Variants in SFMBT1 observed in about 807,000 individuals in gnomAD.
SFMBT1 encodes Scm like with four mbt domains 1, also known as scm-like with four MBT domains protein 1.
SFMBT1 carries 32 observed loss-of-function variants against 108.7 expected under a neutral mutation model. The ratio of observed to expected loss-of-function variants is 0.29; its 90% CI spans 0.22 to 0.40. SFMBT1 has a LOEUF of 0.40. SFMBT1 is among the 10% of genes least tolerant of loss of function. SFMBT1 has a pLI of 1.00. For missense variants in SFMBT1, 816 were observed against 1,059.6 expected, an observed-to-expected ratio of 0.77 and a Z score of 3.19; for synonymous variants, 348 against 369.5, an observed-to-expected ratio of 0.94 and a Z score of 0.67.
intron 1 of SFMBT1, among the ~76,000 whole-genome samples, chr3:52,988,770 C>G (rs756651026): frequency 6.6e-6 from 1 of 152,072 alleles, no homozygotes; most frequent in Non-Finnish European, 1.5e-5. Context: ...AAAAACCAGC[C>G]TAGGTTATGA....
At chr3:52,991,642 C>A (rs1476759997) in intron 1 of SFMBT1, among the ~76,000 whole-genome samples, 1 of 152,172 alleles carries the variant, frequency 6.6e-6, no homozygotes, top group African/African-American at 2.4e-5. Flanking sequence ...CCTCGCCCAG[C>A]CTGCACGTTG....
Position 52,910,175 on chromosome 3 carries a change from T to C in SFMBT1, c.1906+828A>G, listed in dbSNP as rs900397412. ...TTCACTGTTCCCCACAGTATTTCTC[T>C]AAATACTGACCCCTCTCTAAATTTC... On this transcript the variant is annotated intron_variant, in intron 17 of 20. Transcript: ENST00000394752. Among the ~76,000 whole-genome samples the C allele has an allele frequency of 2.6e-5, 4 of 152,288 alleles. No homozygotes were observed. In the South Asian group the frequency reaches 8.3e-4, roughly 32 times the overall value.
chr3:52,991,519 A>G (rs1314176246), intron 1 of SFMBT1, among the ~76,000 whole-genome samples: 2 of 151,486 alleles, frequency 1.3e-5, no homozygotes, highest in Non-Finnish European at 2.9e-5. Flanking sequence ...TAATTTTTGT[A>G]TCTTTAGTAG....
chr3:52,963,251 T>C (rs1002064354), intron 2 of SFMBT1, among the ~76,000 whole-genome samples: 1 of 152,046 alleles, frequency 6.6e-6, no homozygotes, highest in Admixed American at 6.5e-5. Context: ...CGCCTCGCCC[T>C]TCCAAAGTGC....
At chr3:52,994,586 G>T (rs548328375) in intron 1 of SFMBT1, among the ~76,000 whole-genome samples, 2 of 150,512 alleles carry the variant, frequency 1.3e-5, no homozygotes, top group East Asian at 3.9e-4. Context: ...CACAATCTCC[G>T]CCTCCTGGAT....
At chr3:52,906,033 T>A (rs553073055) in intron 20 of SFMBT1, 80 bp downstream of exon 20, 2 of 1,492,900 alleles carry the variant, frequency 1.3e-6, no homozygotes, top group East Asian at 4.6e-5. Context: ...TCCTAAAACT[T>A]GTAAATAAAT....
At chr3:52,958,795 T>C (rs1278009417) in intron 2 of SFMBT1, among the ~76,000 whole-genome samples, 2 of 152,066 alleles carry the variant, frequency 1.3e-5, no homozygotes, top group South Asian at 2.1e-4. Context: ...CAAAGGAATA[T>C]AAATCATTCT....
At chr3:52,999,709 G>A (rs941679648) in intron 1 of SFMBT1, among the ~76,000 whole-genome samples, 1 of 149,816 alleles carries the variant, frequency 6.7e-6, no homozygotes, top group Non-Finnish European at 1.5e-5. Context: ...AGCAGGGTGA[G>A]CCCCCACTCA....
chr3:53,023,942 C>T (rs1295674677), intron 1 of SFMBT1, among the ~76,000 whole-genome samples: 1 of 152,156 alleles, frequency 6.6e-6, no homozygotes, highest in African/African-American at 2.4e-5. Flanking sequence ...TCCATTCATT[C>T]AACAAATTCT....
Position 53,004,059 on chromosome 3 carries a change from T to C in SFMBT1, c.-130-34801A>G, listed in dbSNP as rs566090652. Reference sequence around the variant, plus strand: ...TTTTAAAGTTATAGATATGAGGTTTTAACTCAAAAAGAAGGAATTTCATCA... The same window carrying C: ...TTTTAAAGTTATAGATATGAGGTTTCAACTCAAAAAGAAGGAATTTCATCA... On this transcript the variant is annotated intron_variant, in intron 1 of 20. Coordinates refer to ENST00000394752, the MANE Select transcript of SFMBT1 (RefSeq NM_016329.4). 4.0e-5 allele frequency among the ~76,000 whole-genome samples: 6 copies of C among 150,184 alleles called. No individual in the cohort carries two copies. In the South Asian group the frequency reaches 1.3e-3, roughly 32 times the overall value.
intron 1 of SFMBT1, among the ~76,000 whole-genome samples, chr3:53,009,053 A>G (rs1698853610): frequency 6.6e-6 from 1 of 151,494 alleles, no homozygotes; most frequent in African/African-American, 2.4e-5. Context: ...AGGTGGGAGG[A>G]TCACTTGAGC....
In SFMBT1 at chr3:52,911,167, T is replaced by G. The variant is rs760560804; in HGVS notation, c.1742A>C (p.Lys581Thr). ...GEVLKAKYKGKSYRATVEIVK... is the reference protein window; with the variant it reads ...GEVLKAKYKGTSYRATVEIVK... ...TATCTCAACAGTAGCCCGATAACTC[T>G]TTCCTTTATATCTGCCATTGGAAGA... Residue 581 changes from lysine (K) to threonine (T), a missense_variant, in exon 17 of 21, where the codon AAG (lysine) becomes ACG (threonine). Physicochemically the swap from Lys to Thr is moderately conservative, Grantham distance 78. Coordinates refer to ENST00000394752, the MANE Select transcript of SFMBT1 (RefSeq NM_016329.4). The G allele has an allele frequency of 6.2e-7, 1 of 1,607,322 alleles. No individual in the cohort carries two copies. The highest frequency in any genetic ancestry group is 8.5e-7 in the Non-Finnish European group (1 of 1,176,942).
intron 1 of SFMBT1, 77 bp from the exon 2 acceptor site, chr3:52,969,335 C>T: frequency 7.2e-7 from 1 of 1,383,578 alleles, no homozygotes; most frequent in Non-Finnish European, 9.4e-7. Flanking sequence ...GGGCACTCGA[C>T]TGGTTGAGAG....
At chr3:52,940,694 A>G (rs1030814634) in intron 4 of SFMBT1, among the ~76,000 whole-genome samples, 2 of 152,234 alleles carry the variant, frequency 1.3e-5, no homozygotes, top group African/African-American at 4.8e-5. Flanking sequence ...ATGGATACTA[A>G]GAATAGTGGG....
chr3:52,918,473 A>G lies in SFMBT1; in HGVS notation c.1415+11T>C. 1 of 1,561,804 alleles carries G rather than the reference A, an allele frequency of 6.4e-7. No individual in the cohort carries two copies. ...TAACTTGTAAACTGTTCATATTATT[A>G]CGTTACTTACTGTTTTTCTGGCTGA... On this transcript the variant is annotated intron_variant, in intron 13 of 20. Transcript: ENST00000394752.
At chr3:52,936,689 A>G (rs1358152517) in intron 4 of SFMBT1, among the ~76,000 whole-genome samples, 1 of 152,130 alleles carries the variant, frequency 6.6e-6, no homozygotes, top group African/African-American at 2.4e-5. Flanking sequence ...TGGAAATGGT[A>G]TTTAGAGACC....
At chr3:52,947,695 TA>T (rs1703419147) in intron 3 of SFMBT1, among the ~76,000 whole-genome samples, 1 of 152,056 alleles carries the variant, frequency 6.6e-6, no homozygotes, top group African/African-American at 2.4e-5. Context: ...AATTTATCAA[TA>T]TTTTTCCTTT....
chr3:53,008,925 G>A (rs1403351740), intron 1 of SFMBT1, among the ~76,000 whole-genome samples: 3 of 150,142 alleles, frequency 2.0e-5, no homozygotes, highest in Admixed American at 6.7e-5. Flanking sequence ...GTGAGCCACC[G>A]TGCCCGGCCG....
At position 52,966,624 on chromosome 3, in the gene SFMBT1, C is replaced by CAAA. The variant is rs35044878; in HGVS notation, c.28+2474_28+2476dup. Among the ~76,000 whole-genome samples the CAAA allele has an allele frequency of 2.0e-3, 97 of 48,130 alleles. 2 individuals carry two copies. The highest frequency in any genetic ancestry group is 2.2e-3 in the Non-Finnish European group (59 of 26,896). 31.6% of individuals were successfully genotyped at this position (48,130 alleles called of 152,430 possible). ...TGGGTGACAGAGCGAGACTCAGTCT[C>CAAA]AAAAAAAAAAAAAAAAAAAAAAAGA... On this transcript the variant is annotated intron_variant, in intron 2 of 20. Transcript: ENST00000394752.
Sources: gnomAD v4.1 joint callset for allele counts (sites outside exome capture counted in the v4.1 genomes callset) on GRCh38, gnomAD v4.1.1 for gene constraint, MANE v1.5 for transcripts, NCBI Gene and HGNC (gene_info 2026-07-23, HGNC 2026-07-21) for gene names.